The following LRP6 variants were observed in gnomAD, a reference collection of about 807,000 sequenced individuals.
LRP6 encodes the protein LDL receptor related protein 6.
A neutral mutation model predicts 184.1 loss-of-function variants in LRP6; 43 were observed. The observed-to-expected ratio is 0.23, with a 90% CI of 0.18 to 0.30. LRP6 has a LOEUF of 0.30. Among genes scored for constraint, LRP6 ranks in the 10% least tolerant of loss-of-function variants. LRP6 has a pLI of 1.00. For synonymous variants in LRP6, 719 were observed against 684.9 expected, an observed-to-expected ratio of 1.05 and a Z score of -0.78; for missense variants, 1,571 against 2,005.3, an observed-to-expected ratio of 0.78 and a Z score of 4.14.
At chr12:12,230,015 C>T (rs896086432) in intron 2 of LRP6, among the ~76,000 whole-genome samples, 1 of 152,162 alleles carries the variant, frequency 6.6e-6, no homozygotes, top group African/African-American at 2.4e-5. Flanking sequence ...CTGTTATATG[C>T]TGTTCATTAG....
At chr12:12,197,961 C>T (rs1863808469) in intron 3 of LRP6, among the ~76,000 whole-genome samples, 1 of 152,216 alleles carries the variant, frequency 6.6e-6, no homozygotes, top group Admixed American at 6.5e-5. Flanking sequence ...GGGAGGATAG[C>T]TTGTGCCCAA....
At chr12:12,130,915 T>C in intron 18 of LRP6, 22 bp from the exon 19 acceptor site, 1 of 1,309,218 alleles carries the variant, frequency 7.6e-7, no homozygotes, top group Admixed American at 1.7e-5. Context: ...ACATAAATAG[T>C]TTCCTTATTT....
At chr12:12,147,742 C>T (rs1028860410) in intron 14 of LRP6, among the ~76,000 whole-genome samples, 186 bp from the exon 15 acceptor site, 1 of 152,016 alleles carries the variant, frequency 6.6e-6, no homozygotes, top group African/African-American at 2.4e-5. Flanking sequence ...GAGACTGAGG[C>T]GGGGGTATTG....
Position 12,266,822 on chromosome 12 carries a change from A to G in LRP6, c.-87T>C. The G allele has an allele frequency of 9.5e-7, 1 of 1,050,238 alleles. No individual in the cohort carries two copies. The highest frequency in any genetic ancestry group is 1.5e-6 in the Non-Finnish European group (1 of 682,476). 65.1% of individuals were successfully genotyped at this position (1,050,238 alleles called of 1,614,324 possible). On this transcript the variant is annotated 5_prime_UTR_variant, in exon 1 of 23. Transcript: ENST00000261349. ...GAGCCGGGGCGGCCGCCGCAGCGGC[A>G]GGGCTGCACGCTCATACTTCCCAGC...
At position 12,119,986 on chromosome 12, in the gene LRP6, ACAAAATATATATATATATATATATATAT is replaced by A. The variant is rs1272536836; in HGVS notation, c.*1112_*1139del. On this transcript the variant is annotated 3_prime_UTR_variant, in exon 23 of 23. Transcript: ENST00000261349. Reference sequence around the variant, plus strand: ...TTTTACTCAGAAAACAAACAAACAAACAAAATATATATATATATATATATATATATATATATATATATATATATATATA... The same window carrying A: ...TTTTACTCAGAAAACAAACAAACAAAATATATATATATATATATATATATA... The A allele has an allele frequency of 9.1e-6, 1 of 109,556 alleles. No homozygotes were observed. The highest frequency in any genetic ancestry group is 3.3e-5 in the African/African-American group (1 of 29,860). The allele number at this position is 109,556 out of a possible 1,614,324, so 6.8% of individuals were successfully genotyped here. A position where few individuals can be genotyped will look rare whatever the true frequency, so the allele number is the denominator to read the frequency against.
intron 12 of LRP6, among the ~76,000 whole-genome samples, chr12:12,154,926 T>C (rs1236893869): frequency 6.6e-6 from 1 of 152,238 alleles, no homozygotes; most frequent in Non-Finnish European, 1.5e-5. Context: ...CCAGGCGTAG[T>C]GGCTCATGCC....
chr12:12,190,281 GGAGGAGTT>G (rs1241125854), intron 3 of LRP6, among the ~76,000 whole-genome samples: 3 of 152,252 alleles, frequency 2.0e-5, no homozygotes, highest in African/African-American at 7.2e-5. Flanking sequence ...GTTACTTCAA[GGAGGAGTT>G]GATCATGGCT....
intron 2 of LRP6, among the ~76,000 whole-genome samples, chr12:12,207,729 T>C (rs1358275351): frequency 6.6e-6 from 1 of 152,100 alleles, no homozygotes; most frequent in African/African-American, 2.4e-5. Context: ...TGTGTAACGC[T>C]ACACCAGAAA....
At chr12:12,203,056 T>C in intron 3 of LRP6, 147 bp downstream of exon 3, 2 of 608,022 alleles carry the variant, frequency 3.3e-6, no homozygotes, top group Non-Finnish European at 5.7e-6. Flanking sequence ...TTTAAAGCAC[T>C]TTTAAAGAGC....
rs77259347 is a variant in LRP6, at chr12:12,184,709, A to G, written c.845-598T>C. Among the ~76,000 whole-genome samples the G allele has an allele frequency of 8.7e-3, 1,323 of 152,326 alleles. 31 individuals carry two copies. The highest frequency in any genetic ancestry group is 0.031 in the African/African-American group (1,288 of 41,560). ...GAATGAATACAAAGAATGGGAATAG[A>G]TTAAAGTGAAGGACACTGAAAGCCA... On this transcript the variant is annotated intron_variant, in intron 4 of 22. Coordinates refer to ENST00000261349, the MANE Select transcript of LRP6 (RefSeq NM_002336.3).
Position 12,187,065 on chromosome 12 carries a change from C to T in LRP6, c.702G>A (p.Glu234=). ...TCCAGTCAGTCCAGTACAATATGTC[C>T]TCAAATAACGTCAAGGCAAAAGGAT... is the stretch of plus-strand genomic sequence containing the variant. ...LPHPFALTLF[E]DILYWTDWST... The change falls in exon 4 of 23, where the codon GAG becomes GAA. Residue 234 remains glutamate, a synonymous_variant. Transcript: ENST00000261349. The T allele has an allele frequency of 1.2e-6, 2 of 1,614,136 alleles. No homozygotes were observed. Among genetic ancestry groups the T allele is most frequent in the Non-Finnish European group, 1.7e-6 (2 of 1,180,022 alleles).
chr12:12,220,199 G>T (rs1217709563), intron 2 of LRP6, among the ~76,000 whole-genome samples: 1 of 151,578 alleles, frequency 6.6e-6, no homozygotes, highest in African/African-American at 2.4e-5. Flanking sequence ...GAGGCAGGAG[G>T]ATCACTTGAA....
chr12:12,169,963 C>T (rs537377734), intron 7 of LRP6, among the ~76,000 whole-genome samples: 1 of 151,522 alleles, frequency 6.6e-6, no homozygotes, highest in South Asian at 2.1e-4. Context: ...CAGCACTGTC[C>T]AGGAGAAATA....
At chr12:12,140,900 C>A (rs538802099) in intron 15 of LRP6, among the ~76,000 whole-genome samples, 1 of 151,166 alleles carries the variant, frequency 6.6e-6, no homozygotes, top group Non-Finnish European at 1.5e-5. Flanking sequence ...CTGCACCTGG[C>A]CAATTAAAAA....
At chr12:12,201,381 T>A (rs1252229351) in intron 3 of LRP6, among the ~76,000 whole-genome samples, 1 of 152,240 alleles carries the variant, frequency 6.6e-6, no homozygotes, top group Admixed American at 6.5e-5. Context: ...ATAGTCACAC[T>A]GCACTTGCCT....
chr12:12,181,909 A>G (rs1222508363), intron 5 of LRP6, among the ~76,000 whole-genome samples: 1 of 152,250 alleles, frequency 6.6e-6, no homozygotes, highest in Admixed American at 6.5e-5. Flanking sequence ...TAAATTTACT[A>G]AAAAGTCACC....
chr12:12,130,255 C>T (rs1290810847), intron 19 of LRP6, among the ~76,000 whole-genome samples: 4 of 148,370 alleles, frequency 2.7e-5, no homozygotes, highest in African/African-American at 7.5e-5. Context: ...GGTGTGATCT[C>T]GGCTCAATGC....
chr12:12,252,185 A>G (rs1238543102), intron 1 of LRP6, among the ~76,000 whole-genome samples: 2 of 152,190 alleles, frequency 1.3e-5, no homozygotes, highest in Non-Finnish European at 2.9e-5. Flanking sequence ...GCACTGAACT[A>G]AAATCTTTTT....
intron 12 of LRP6, 83 bp from the exon 13 acceptor site, chr12:12,151,121 G>C: frequency 5.0e-6 from 6 of 1,212,048 alleles, no homozygotes; most frequent in Non-Finnish European, 7.1e-6. Flanking sequence ...CCTGTTGTAT[G>C]TATTTCATAC....
Sources: gnomAD v4.1 joint callset for allele counts (sites outside exome capture counted in the v4.1 genomes callset) on GRCh38, gnomAD v4.1.1 for gene constraint, MANE v1.5 for transcripts, NCBI Gene and HGNC (gene_info 2026-07-23, HGNC 2026-07-21) for gene names.